CALN1: variants seen among roughly 807,000 people sequenced by gnomAD.
CALN1 encodes calneuron 1, also known as calcium-binding protein 8.
A neutral mutation model predicts 30.6 loss-of-function variants in CALN1; 17 were observed. The observed-to-expected ratio is 0.56, with a 90% CI of 0.38 to 0.83. The LOEUF (loss-of-function observed/expected upper bound fraction) is 0.83, where lower values mean the gene tolerates loss of function less well. Ranked by LOEUF, CALN1 falls within the 40% of genes least tolerant of loss-of-function variation. The pLI is 0.00. For missense variants in CALN1, 291 were observed against 354.9 expected (o/e 0.82, Z 1.45); for synonymous variants, 156 against 131.4 (o/e 1.19, Z -1.28).
intron 2 of CALN1, among the ~76,000 whole-genome samples, chr7:72,300,571 G>C (rs568994990): frequency 3.9e-5 from 6 of 152,226 alleles, no homozygotes; most frequent in African/African-American, 1.4e-4. Context: ...ACTCTAATAC[G>C]TGTTTCAACT....
At chr7:72,478,887 C>CTTT in the CALN1 span, among the ~76,000 whole-genome samples, 2 of 139,376 alleles carry the variant, frequency 1.4e-5, no homozygotes. Flanking sequence ...CGAACCACTT[C>CTTT]TTTTTTTTTT....
At chr7:72,453,993 A>AAAAAAAATATAT in the CALN1 span, among the ~76,000 whole-genome samples, 9 of 148,216 alleles carry the variant, frequency 6.1e-5, no homozygotes, top group Admixed American at 2.0e-4. Context: ...ACAACCAAAA[A>AAAAAAAATATAT]ATATATATAT....
intron 2 of CALN1, among the ~76,000 whole-genome samples, chr7:72,308,843 T>C (rs1799845154): frequency 1.3e-5 from 2 of 152,180 alleles, no homozygotes; most frequent in Admixed American, 1.3e-4. Context: ...TTCTAGAAGC[T>C]TCCCTGGGGA....
chr7:72,130,075 C>T (rs1454445838), intron 3 of CALN1, among the ~76,000 whole-genome samples: 1 of 152,168 alleles, frequency 6.6e-6, no homozygotes, highest in African/African-American at 2.4e-5. Context: ...CCACCCCCCA[C>T]CAGGCTTCCT....
At chr7:72,089,279 G>A (rs1030684351) in intron 4 of CALN1, among the ~76,000 whole-genome samples, 5 of 151,790 alleles carry the variant, frequency 3.3e-5, no homozygotes, top group Admixed American at 2.0e-4. Flanking sequence ...AAAATTTTAC[G>A]GCCATCACTA....
intron 3 of CALN1, among the ~76,000 whole-genome samples, chr7:72,239,032 C>A (rs987462998): frequency 3.3e-5 from 5 of 152,180 alleles, no homozygotes; most frequent in Non-Finnish European, 5.9e-5. Flanking sequence ...TCACACTAAT[C>A]TGTGCCTTTA....
intron 3 of CALN1, among the ~76,000 whole-genome samples, chr7:72,228,724 G>A (rs1428970431): frequency 1.3e-5 from 2 of 149,132 alleles, no homozygotes; most frequent in African/African-American, 5.0e-5. Context: ...CACAAGTGTT[G>A]GCTACCTTAT....
intron 3 of CALN1, among the ~76,000 whole-genome samples, chr7:72,220,534 T>C (rs1233653746): frequency 6.6e-6 from 1 of 152,092 alleles, no homozygotes; most frequent in Non-Finnish European, 1.5e-5. Context: ...GCAGCATGAT[T>C]TATAATCCTT....
chr7:72,349,484 C>A (rs1461788094), intron 2 of CALN1, among the ~76,000 whole-genome samples: 1 of 151,644 alleles, frequency 6.6e-6, no homozygotes, highest in African/African-American at 2.4e-5. Context: ...TTGCTGAAAA[C>A]CAATGATAGA....
chr7:72,217,584 A>T (rs1353060472), intron 3 of CALN1, among the ~76,000 whole-genome samples: 1 of 152,144 alleles, frequency 6.6e-6, no homozygotes, highest in East Asian at 1.9e-4. Flanking sequence ...ATCAGAGTTC[A>T]GAGATTGTCA....
At chr7:72,106,971 A>G (rs2129541333) in intron 3 of CALN1, among the ~76,000 whole-genome samples, 1 of 151,416 alleles carries the variant, frequency 6.6e-6, no homozygotes, top group East Asian at 2.0e-4. Flanking sequence ...GAAAGGGAGA[A>G]AGAGAGAAAG....
intron 2 of CALN1, among the ~76,000 whole-genome samples, chr7:72,344,848 A>G (rs1802550932): frequency 6.8e-6 from 1 of 147,622 alleles, no homozygotes; most frequent in African/African-American, 2.5e-5. Context: ...ATATAAGTAT[A>G]TATAGCATAT....
At chr7:71,872,024 G>A (rs563569846) in intron 5 of CALN1, among the ~76,000 whole-genome samples, 6 of 152,230 alleles carry the variant, frequency 3.9e-5, no homozygotes, top group Non-Finnish European at 7.4e-5. Flanking sequence ...AATGCCTAAC[G>A]CAATAAGATA....
intron 5 of CALN1, among the ~76,000 whole-genome samples, chr7:71,983,553 C>T (rs1007947209): frequency 8.6e-5 from 13 of 151,500 alleles, no homozygotes; most frequent in South Asian, 4.2e-4. Context: ...TTTTTTGAGA[C>T]GGAATTTTGC....
rs561494572 is a variant in CALN1, at chr7:71,982,001, C to T, written c.501+41656G>A. Among the ~76,000 whole-genome samples the T allele has an allele frequency of 7.2e-5, 11 of 152,284 alleles. No individual in the cohort carries two copies. The South Asian group carries it at 1.5e-3, about 20-fold the overall frequency. ...GCTCCCAGCTCATCCCAGCCAGGCA[C>T]GCTGCCTGGCTTCCCTCGCCTTGCC... On this transcript the variant is annotated intron_variant, in intron 5 of 6. Coordinates refer to ENST00000395275, the MANE Select transcript of CALN1 (RefSeq NM_031468.4).
chr7:72,232,790 G>C (rs1794203117), intron 3 of CALN1, among the ~76,000 whole-genome samples: 1 of 152,078 alleles, frequency 6.6e-6, no homozygotes, highest in African/African-American at 2.4e-5. Context: ...ATAGTTAATG[G>C]TTTAGGAAAC....
intron 2 of CALN1, among the ~76,000 whole-genome samples, chr7:72,395,725 G>T (rs533977335): frequency 4.6e-5 from 7 of 152,120 alleles, no homozygotes; most frequent in Admixed American, 4.6e-4. Context: ...AAGATCATTT[G>T]AAACTCCCAT....
chr7:71,913,930 C>T (rs1427456482), intron 5 of CALN1: 6 of 152,238 alleles, frequency 3.9e-5, no homozygotes, highest in African/African-American at 1.4e-4. Context: ...AGTTAGGAAT[C>T]ATTGTCCCTG....
At chr7:72,189,190 A>C (rs17673882) in intron 3 of CALN1, among the ~76,000 whole-genome samples, 42,627 of 152,110 alleles carry the variant, frequency 0.28, 6,337 homozygotes, top group Middle Eastern at 0.36. Flanking sequence ...GTGGATTATC[A>C]TGATAGGAAA....
Sources: gnomAD v4.1 joint callset for allele counts (sites outside exome capture counted in the v4.1 genomes callset) on GRCh38, gnomAD v4.1.1 for gene constraint, MANE v1.5 for transcripts, NCBI Gene and HGNC (gene_info 2026-07-23, HGNC 2026-07-21) for gene names.